The following GCN1 variants were observed in gnomAD, a reference collection of about 807,000 sequenced individuals.
GCN1 encodes the protein GCN1 activator of EIF2AK4, also known as stalled ribosome sensor GCN1.
A neutral mutation model predicts 288.4 loss-of-function variants in GCN1; 90 were observed. That is an observed-to-expected ratio of 0.31 (90% CI 0.26 to 0.37). GCN1 has a LOEUF of 0.37. Ranked by LOEUF, GCN1 falls within the 10% of genes least tolerant of loss-of-function variation. The probability of loss-of-function intolerance (pLI) is 1.00; values close to 1 mark genes in which losing one functional copy is unlikely to be tolerated. For synonymous variants in GCN1, 1,386 were observed against 1,420.2 expected (o/e 0.98, Z 0.54); for missense variants, 2,586 against 3,419.9 (o/e 0.76, Z 6.08).
chr12:120,172,354 A>C (rs1878338698), intron 14 of GCN1, among the ~76,000 whole-genome samples: 1 of 152,232 alleles, frequency 6.6e-6, no homozygotes, highest in Non-Finnish European at 1.5e-5. Flanking sequence ...ATTTCAGAAA[A>C]AGATATATTG....
chr12:120,132,460 C>T (rs1410596206), intron 53 of GCN1, among the ~76,000 whole-genome samples: 2 of 152,128 alleles, frequency 1.3e-5, no homozygotes, highest in East Asian at 1.9e-4. Context: ...TAGAGACGGC[C>T]ACTCTGAGCT....
chr12:120,176,161 T>C lies in GCN1; in HGVS notation c.895A>G (p.Ile299Val). The C allele has an allele frequency of 1.2e-6, 2 of 1,610,416 alleles. No homozygotes were observed. Among genetic ancestry groups the C allele is most frequent in the South Asian group, 1.1e-5 (1 of 90,986 alleles). ...TACTCACCAGCCAGTCCTTTCACGA[T>C]GTCCATGGCATACTGGCTGAGGTCA... ...TLDLSQYAMD[I>V]VKGLAGHLKS... The change falls in exon 10 of 58, where the codon ATC becomes GTC. Residue 299 changes from isoleucine (I) to valine (V), a missense_variant. By Grantham distance (29) the Ile-to-Val change is conservative (BLOSUM62 3). Transcript: ENST00000300648.
Position 120,168,250 on chromosome 12 carries a change from C to A in GCN1, c.1570G>T (p.Val524Phe). ...WQLIVDEKKQ[V>F]FTSEKFLVMA... ...ACCAGGAATTTCTCAGAAGTGAAAA[C>A]CTGCTTTTTCTCATCCACAATCAAC... The change falls in exon 16 of 58, where the codon GTT (valine) becomes TTT (phenylalanine). Residue 524 changes from valine (V) to phenylalanine (F), a missense_variant. Val to Phe is a conservative substitution (Grantham distance 50). This residue lies in a region of GCN1 where 913 missense variants were observed against 1,107.0 expected (regional missense o/e 0.82). Transcript: ENST00000300648. 6.2e-7 allele frequency: 1 copy of A among 1,609,884 alleles called. No homozygotes were observed. Among genetic ancestry groups the A allele is most frequent in the Non-Finnish European group, 8.5e-7 (1 of 1,176,142 alleles).
chr12:120,191,089 G>A (rs1362563718), intron 1 of GCN1, among the ~76,000 whole-genome samples: 1 of 152,138 alleles, frequency 6.6e-6, no homozygotes, highest in African/African-American at 2.4e-5. Flanking sequence ...CGTATAAGGT[G>A]CATCTACTCT....
chr12:120,139,004 T>G, intron 45 of GCN1, 148 bp from the exon 46 acceptor site: 1 of 635,420 alleles, frequency 1.6e-6, no homozygotes, highest in Non-Finnish European at 2.6e-6. Flanking sequence ...CTCTTTACTG[T>G]GAAATAAAAA....
At chr12:120,173,204 C>T (rs533849171) in intron 14 of GCN1, among the ~76,000 whole-genome samples, 1 of 152,020 alleles carries the variant, frequency 6.6e-6, no homozygotes, top group East Asian at 1.9e-4. Context: ...TTACAGGTGC[C>T]CGCCACCATG....
intron 38 of GCN1, among the ~76,000 whole-genome samples, chr12:120,146,200 G>A (rs1477354931): frequency 6.7e-6 from 1 of 149,340 alleles, no homozygotes; most frequent in Non-Finnish European, 1.5e-5. Context: ...CCAGGCGGCA[G>A]AGGTTGCAGT....
intron 15 of GCN1, 103 bp downstream of exon 15, chr12:120,170,066 G>A: frequency 1.0e-6 from 1 of 986,168 alleles, no homozygotes; most frequent in South Asian, 1.5e-5. Context: ...GGCTGATCCA[G>A]TGTGGTCAGG....
chr12:120,137,421 C>A lies in GCN1; in HGVS notation c.6664-102G>T. The A allele has an allele frequency of 1.4e-6, 2 of 1,406,044 alleles. 1 individual carries two copies. Among genetic ancestry groups the A allele is most frequent in the South Asian group, 2.3e-5 (2 of 85,518 alleles). 87.1% of individuals were successfully genotyped at this position (1,406,044 alleles called of 1,614,324 possible). On this transcript the variant is annotated intron_variant, in intron 49 of 57. Transcript: ENST00000300648. The surrounding 1 kb of genome is among the most constrained non-coding windows in gnomAD (Gnocchi z 5.2). ...TGGGCGGGAGTATAAACAAGACTTG[C>A]CACGAGTGGGTAAACGCCGAAGCTG... is the stretch of plus-strand genomic sequence containing the variant.
At position 120,162,012 on chromosome 12, in the gene GCN1, C is replaced by A. The variant is rs199599369; in HGVS notation, c.2210G>T (p.Arg737Leu). Residue 737 changes from arginine to leucine, a missense_variant, in exon 21 of 58, where the codon CGG (arginine) becomes CTG (leucine). Physicochemically the swap from Arg to Leu is moderately radical, Grantham distance 102. Coordinates refer to ENST00000300648, the MANE Select transcript of GCN1 (RefSeq NM_006836.2). ...MGSLSVLSPDRVLPQLISTIT... is the reference protein window; with the variant it reads ...MGSLSVLSPDLVLPQLISTIT... ...GGTGCTGATGAGCTGTGGGAGGACC[C>A]GGTCCGGCGACAGGACGGAAAGGGA... The A allele has an allele frequency of 1.2e-6, 2 of 1,613,694 alleles. No homozygotes were observed. Among genetic ancestry groups the A allele is most frequent in the Admixed American group, 3.3e-5 (2 of 60,026 alleles).
chr12:120,138,682 T>G lies in GCN1; in HGVS notation c.6156+13A>C. ...GCCAAACTGGTAGGTAGGTGTGTGG[T>G]AGATCCACTCACCAGCTGCTTTAGT... On this transcript the variant is annotated intron_variant, in intron 46 of 57. Coordinates refer to ENST00000300648, the MANE Select transcript of GCN1 (RefSeq NM_006836.2). 6.2e-7 allele frequency: 1 copy of G among 1,607,796 alleles called. No individual in the cohort carries two copies. Among genetic ancestry groups the G allele is most frequent in the Non-Finnish European group, 8.5e-7 (1 of 1,174,640 alleles).
chr12:120,184,919 A>G (rs372190006), intron 2 of GCN1, 32 bp from the exon 3 acceptor site: 100 of 1,501,104 alleles, frequency 6.7e-5, no homozygotes, highest in Non-Finnish European at 8.7e-5. Context: ...ACAGCGGTCA[A>G]TAAAAATCAC....
chr12:120,172,892 T>C (rs1489934359), intron 14 of GCN1, among the ~76,000 whole-genome samples: 2 of 152,112 alleles, frequency 1.3e-5, no homozygotes, highest in East Asian at 1.9e-4. Flanking sequence ...AAATCAGTAA[T>C]AGAGGTTTAT....
rs201155484 is a variant in GCN1 at position 120,144,374 on chromosome 12, A to G, written c.5427T>C (p.Ala1809=). The G allele has an allele frequency of 2.5e-6, 4 of 1,614,208 alleles. No individual in the cohort carries two copies. In the Admixed American group the frequency reaches 6.7e-5, roughly 27 times the overall value. ...RAGQRVISMY[A]ETAIALLLPQ... ...GCAGCAGCAGGGCGATGGCTGTCTCAGCGTACATGGAGATAACCCGCTGGC... is the reference window on the plus strand; with the variant it reads ...GCAGCAGCAGGGCGATGGCTGTCTCGGCGTACATGGAGATAACCCGCTGGC... Residue 1809 remains alanine, a synonymous_variant, in exon 42 of 58, where the codon GCT becomes GCC. Coordinates refer to ENST00000300648, the MANE Select transcript of GCN1 (RefSeq NM_006836.2). This position sits in a 1 kb window ranked among gnomAD's most constrained non-coding sequence, Gnocchi z 4.7.
At chr12:120,133,603 C>T (rs1235840157) in intron 53 of GCN1, among the ~76,000 whole-genome samples, 9 of 152,168 alleles carry the variant, frequency 5.9e-5, no homozygotes, top group Admixed American at 5.9e-4. Flanking sequence ...GTCTATGCAC[C>T]TCTGGGATAG....
At chr12:120,182,385 A>G (rs1296105269) in intron 5 of GCN1, among the ~76,000 whole-genome samples, 1 of 152,156 alleles carries the variant, frequency 6.6e-6, no homozygotes, top group Admixed American at 6.6e-5. Flanking sequence ...GGTGCGCTGG[A>G]TAAGCTCCCA....
At chr12:120,180,257 G>A (rs1047905838) in intron 5 of GCN1, among the ~76,000 whole-genome samples, 3 of 152,214 alleles carry the variant, frequency 2.0e-5, no homozygotes, top group East Asian at 1.9e-4. Flanking sequence ...CCAGGAGGCA[G>A]AGGTTGCGGT....
In GCN1 at chr12:120,164,440, T is replaced by C. The variant is rs1427076124; in HGVS notation, c.1744A>G (p.Arg582Gly). 1.2e-6 allele frequency: 2 copies of C among 1,614,124 alleles called. No individual in the cohort carries two copies. Among genetic ancestry groups the C allele is most frequent in the Admixed American group, 1.7e-5 (1 of 60,022 alleles). ...VLLSRTWHVR[R>G]QAQQTVRKLL... is the part of the protein sequence containing the mutation. ...TTCCGAACTGTCTGCTGAGCCTGCC[T>C]GCGGACGTGCCAGGTGCGGCTCAGG... Residue 582 changes from arginine (R) to glycine (G), a missense_variant, in exon 18 of 58, where the codon AGG becomes GGG. Physicochemically the swap from Arg to Gly is moderately radical, Grantham distance 125 (BLOSUM62 -2). Coordinates refer to ENST00000300648, the MANE Select transcript of GCN1 (RefSeq NM_006836.2).
chr12:120,158,690 AC>A lies in GCN1; in HGVS notation c.2750-76del. 8.0e-7 allele frequency: 1 copy of A among 1,251,574 alleles called. No individual in the cohort carries two copies. The highest frequency in any genetic ancestry group is 1.1e-6 in the Non-Finnish European group (1 of 902,948). 77.5% of individuals were successfully genotyped at this position (1,251,574 alleles called of 1,614,324 possible). The stretch of plus-strand genomic sequence containing the variant: ...AATCCAGCCCAGGCTAAAACAGGGG[AC>A]CCAGTGCCTCATCCTTCTGACTTAA... On this transcript the variant is annotated intron_variant, in intron 24 of 57. Coordinates refer to ENST00000300648, the MANE Select transcript of GCN1 (RefSeq NM_006836.2). The surrounding 1 kb of genome is among the most constrained non-coding windows in gnomAD (Gnocchi z 4.3).
Sources: gnomAD v4.1 joint callset for allele counts (sites outside exome capture counted in the v4.1 genomes callset) on GRCh38, gnomAD v4.1.1 for gene constraint, gnomAD v4.1.1 regional missense constraint, Gnocchi (gnomAD v3.1) non-coding constraint, MANE v1.5 for transcripts, NCBI Gene and HGNC (gene_info 2026-07-23, HGNC 2026-07-21) for gene names.